DUSP5: variants seen among roughly 807,000 people sequenced by gnomAD.
The protein encoded by DUSP5 is dual specificity phosphatase 5.
In DUSP5, 22 loss-of-function variants were observed where a neutral mutation model predicts 33.6. That is an observed-to-expected ratio of 0.66 (90% confidence interval 0.47 to 0.94). The LOEUF (loss-of-function observed/expected upper bound fraction) is 0.94. DUSP5 is among the 40% of genes least tolerant of loss of function. DUSP5 has a pLI of 0.00. For missense variants in DUSP5, 551 were observed against 522.1 expected, an observed-to-expected ratio of 1.06 and a Z score of -0.54; for synonymous variants, 270 against 231.1, an observed-to-expected ratio of 1.17 and a Z score of -1.53.
At chr10:110,499,113 A>C (rs949277618) in intron 1 of DUSP5, among the ~76,000 whole-genome samples, 3 of 147,484 alleles carry the variant, frequency 2.0e-5, no homozygotes, top group Admixed American at 6.7e-5. Flanking sequence ...CACCCTTTTC[A>C]CCTCCTCCTT....
chr10:110,507,580 C>A (rs1860134756), intron 3 of DUSP5, among the ~76,000 whole-genome samples: 1 of 152,136 alleles, frequency 6.6e-6, no homozygotes, highest in Non-Finnish European at 1.5e-5. Flanking sequence ...CCCCAAGGGC[C>A]CCCAGCAGCT....
At chr10:110,502,659 T>G in intron 1 of DUSP5, 62 bp from the exon 2 acceptor site, 1 of 1,577,984 alleles carries the variant, frequency 6.3e-7, no homozygotes, top group Non-Finnish European at 8.7e-7. Context: ...ACTATGGGTA[T>G]TTTTGACAGC....
At chr10:110,504,228 T>G (rs2134660559) in intron 2 of DUSP5, among the ~76,000 whole-genome samples, 1 of 152,336 alleles carries the variant, frequency 6.6e-6, no homozygotes, top group Non-Finnish European at 1.5e-5. Flanking sequence ...TTTGGCCAAG[T>G]GAGGGGTGAG....
chr10:110,509,994 C>CTCCCACCATCTTT, intron 3 of DUSP5, 26 bp from the exon 4 acceptor site: 1 of 1,555,872 alleles, frequency 6.4e-7, no homozygotes, highest in Non-Finnish European at 8.7e-7. Flanking sequence ...TCCCAACTCA[C>CTCCCACCATCTTT]TCCCACCATC....
At chr10:110,509,466 A>G (rs1388902362) in intron 3 of DUSP5, among the ~76,000 whole-genome samples, 3 of 152,200 alleles carry the variant, frequency 2.0e-5, no homozygotes, top group Non-Finnish European at 4.4e-5. Flanking sequence ...ACAGCCAGAC[A>G]GGGTGCCCGG....
At position 110,507,893 on chromosome 10, in the gene DUSP5, G is replaced by A. The variant is rs1177340540; in HGVS notation, c.748+739G>A. Among the ~76,000 whole-genome samples the A allele has an allele frequency of 1.6e-4, 25 of 152,272 alleles. 1 individual carries two copies. The highest frequency in any genetic ancestry group is 1.6e-3 in the Admixed American group (24 of 15,296). On this transcript the variant is annotated intron_variant, in intron 3 of 3. Transcript: ENST00000369583. The stretch of plus-strand genomic sequence containing the variant: ...TCCTCCCCCATCCATCTTCCTAGGA[G>A]GCTGGCCTGACTTTTTTCTGTTTCA...
intron 2 of DUSP5, among the ~76,000 whole-genome samples, chr10:110,504,767 A>G (rs537825443): frequency 6.6e-6 from 1 of 152,336 alleles, no homozygotes; most frequent in East Asian, 1.9e-4. Flanking sequence ...GAGAGAAGCC[A>G]TGTTCTGTTC....
chr10:110,498,592 G>A (rs1040312023), intron 1 of DUSP5, 92 bp downstream of exon 1: 2 of 1,324,052 alleles, frequency 1.5e-6, no homozygotes, highest in South Asian at 1.9e-5. Context: ...CTGGGACCGG[G>A]AGAGTCACCA....
intron 2 of DUSP5, among the ~76,000 whole-genome samples, chr10:110,505,357 A>G (rs1260621622): frequency 6.6e-6 from 1 of 152,246 alleles, no homozygotes. Flanking sequence ...TGAAATTGGT[A>G]TGATGTAGGC....
At chr10:110,499,378 C>T (rs1216498179) in intron 1 of DUSP5, among the ~76,000 whole-genome samples, 1 of 152,198 alleles carries the variant, frequency 6.6e-6, no homozygotes, top group African/African-American at 2.4e-5. Context: ...ATGACTGCTC[C>T]TGCTTTGTGT....
Position 110,510,302 on chromosome 10 carries a change from C to T in DUSP5, c.1031C>T (p.Thr344Ile). 2 of 1,614,214 alleles carry T rather than the reference C, an allele frequency of 1.2e-6. No homozygotes were observed. Among genetic ancestry groups the T allele is most frequent in the Non-Finnish European group, 1.7e-6 (2 of 1,180,044 alleles). The change falls in exon 4 of 4, where the codon ACA becomes ATA. Residue 344 changes from threonine (T) to isoleucine (I), a missense_variant. Coordinates refer to ENST00000369583, the MANE Select transcript of DUSP5 (RefSeq NM_004419.4). ...AGSSLIGHLQ[T>I]LSPDMQGAYC... is the part of the protein sequence containing the mutation. ...TCTTCACTGATAGGCCATTTGCAGA[C>T]ACTGAGCCCTGACATGCAGGGTGCC...
intron 2 of DUSP5, among the ~76,000 whole-genome samples, chr10:110,503,876 A>C (rs181544544): frequency 2.6e-5 from 4 of 152,366 alleles, no homozygotes; most frequent in Non-Finnish European, 2.9e-5. Flanking sequence ...CCAAATCATA[A>C]GAAGAAAGAT....
intron 1 of DUSP5, among the ~76,000 whole-genome samples, chr10:110,501,828 CCAAGAAGGCTTACTTATATTTG>C (rs1860052845): frequency 6.6e-6 from 1 of 152,114 alleles, no homozygotes; most frequent in Non-Finnish European, 1.5e-5. Flanking sequence ...TGAAATGGGC[CCAAGAAGGCTTACTTATATTTG>C]CAAGTTTCCG....
At chr10:110,506,354 C>T (rs763152464) in intron 2 of DUSP5, among the ~76,000 whole-genome samples, 18 of 152,096 alleles carry the variant, frequency 1.2e-4, no homozygotes, top group Non-Finnish European at 2.1e-4. Context: ...ATCTCTTCAG[C>T]GTAGGAATTC....
At chr10:110,499,605 A>C (rs1002028085) in intron 1 of DUSP5, among the ~76,000 whole-genome samples, 1 of 152,210 alleles carries the variant, frequency 6.6e-6, no homozygotes, top group Admixed American at 6.5e-5. Context: ...AGTCCGGGCC[A>C]GGAAGATTCT....
At position 110,498,458 on chromosome 10, in the gene DUSP5, C is replaced by G. The variant is rs765298963; in HGVS notation, c.337C>G (p.Leu113Val). The change falls in exon 1 of 4, where the codon CTC becomes GTC. Residue 113 changes from leucine to valine, a missense_variant. Leu to Val is a conservative substitution (Grantham distance 32). This residue lies in a region of DUSP5 where 381 missense variants were observed against 310.4 expected (regional missense o/e 1.23). Transcript: ENST00000369583. ...CGCGCGTGTCGTCCTCACCTCGCTA[C>G]TCGCTTGCCTACCCGCCGGCCCGCG... ...SAARVVLTSLLACLPAGPRVY... is the reference protein window; with the variant it reads ...SAARVVLTSLVACLPAGPRVY... 8 of 1,541,058 alleles carry G rather than the reference C, an allele frequency of 5.2e-6. No individual in the cohort carries two copies. The highest frequency in any genetic ancestry group is 6.9e-6 in the Non-Finnish European group (8 of 1,152,498).
intron 1 of DUSP5, among the ~76,000 whole-genome samples, chr10:110,499,044 C>T (rs949534690): frequency 1.3e-5 from 2 of 152,112 alleles, no homozygotes; most frequent in African/African-American, 4.8e-5. Flanking sequence ...TGTTTCCCTC[C>T]GGCCTCTTCT....
chr10:110,509,259 C>T (rs1860156422), intron 3 of DUSP5, among the ~76,000 whole-genome samples: 1 of 152,182 alleles, frequency 6.6e-6, no homozygotes, highest in Non-Finnish European at 1.5e-5. Flanking sequence ...TCATATTGAG[C>T]TAAAGAATGC....
chr10:110,499,529 C>T (rs1348775871), intron 1 of DUSP5, among the ~76,000 whole-genome samples: 1 of 141,308 alleles, frequency 7.1e-6, no homozygotes, highest in Non-Finnish European at 1.6e-5. Context: ...GGGATCAGAG[C>T]TCGGTGCAGA....
Sources: allele counts gnomAD v4.1 joint callset (sites outside exome capture counted in the v4.1 genomes callset), GRCh38; gene constraint gnomAD v4.1.1; regional missense constraint gnomAD v4.1.1; transcripts MANE v1.5; gene names NCBI Gene and HGNC (gene_info 2026-07-23, HGNC 2026-07-21).